Variants in FUS observed in about 807,000 individuals in gnomAD.
The protein encoded by FUS is RNA-binding protein FUS.
Under a neutral mutation model 82.7 loss-of-function variants are expected in FUS, and 5 were observed. The observed-to-expected ratio is 0.06, with a 90% CI of 0.03 to 0.13. FUS has a LOEUF of 0.13. FUS is among the 10% of genes least tolerant of loss of function. The probability of loss-of-function intolerance (pLI) is 1.00; values close to 1 mark genes in which losing one functional copy is unlikely to be tolerated. For missense variants in FUS, 512 were observed against 707.8 expected, an observed-to-expected ratio of 0.72 and a Z score of 3.14; for synonymous variants, 281 against 247.4, an observed-to-expected ratio of 1.14 and a Z score of -1.27.
At chr16:31,194,316 G>A (rs746988726), downstream of FUS, 81 of 516,024 alleles carry the variant, frequency 1.6e-4, no homozygotes, top group Admixed American at 6.4e-4. Flanking sequence ...TTTTTGAGAC[G>A]GTCTCACTCT....
In FUS at chr16:31,191,091, C is replaced by T. The variant is rs754921968; in HGVS notation, c.1522C>T (p.Pro508Ser). The change falls in exon 14 of 15, where the codon CCT becomes TCT. Residue 508 changes from proline to serine, a missense_variant. Physicochemically the swap from Pro to Ser is moderately conservative, Grantham distance 74. Coordinates refer to ENST00000254108, the MANE Select transcript of FUS (RefSeq NM_004960.4). ...TGGTGGGGACAGAGGTGGCTTTGGC[C>T]CTGGCAAGATGGATTCCAGGTAAGA... ...RGGGDRGGFG[P>S]GKMDSRGEHR... 1 of 1,612,770 alleles carries T rather than the reference C, an allele frequency of 6.2e-7. No individual in the cohort carries two copies. Among genetic ancestry groups the T allele is most frequent in the Non-Finnish European group, 8.5e-7 (1 of 1,179,984 alleles).
chr16:31,188,896 C>A (rs1344035365), intron 8 of FUS: 4 of 571,838 alleles, frequency 7.0e-6, no homozygotes, highest in Non-Finnish European at 1.2e-5. Flanking sequence ...GGTTTCCATA[C>A]TGTATACTGG....
chr16:31,187,005 A>T (rs2079280230), intron 7 of FUS, 169 bp downstream of exon 7: 1 of 708,366 alleles, frequency 1.4e-6, no homozygotes. Flanking sequence ...GTGTGTGCTA[A>T]CCTGGAGCAG....
At chr16:31,184,029 G>T (rs1198922212) in intron 4 of FUS, 27 bp downstream of exon 4, 3 of 1,613,906 alleles carry the variant, frequency 1.9e-6, no homozygotes, top group African/African-American at 1.3e-5. Flanking sequence ...GTCGGGGAAG[G>T]CTTGAAAAGA....
At chr16:31,180,258 C>T (rs747237878) in intron 1 of FUS, 31 bp downstream of exon 1, 3 of 1,598,612 alleles carry the variant, frequency 1.9e-6, no homozygotes, top group Non-Finnish European at 2.6e-6. Flanking sequence ...ACGGCGGCGG[C>T]GCACCCGGCC....
rs530968181 is a variant in FUS, at chr16:31,180,753, C to A, written c.13+526C>A. Among the ~76,000 whole-genome samples, 8 of 152,278 alleles carry A rather than the reference C, an allele frequency of 5.3e-5. No homozygotes were observed. The South Asian group carries it at 1.4e-3, about 28-fold the overall frequency. ...TGAGCCTTGTCCCTCAGTGGTCCTT[C>A]GCGAATGGGCGGGATCGCTCCGTTC... On this transcript the variant is annotated intron_variant, in intron 1 of 14. Coordinates refer to ENST00000254108, the MANE Select transcript of FUS (RefSeq NM_004960.4).
At chr16:31,185,680 A>AT in intron 6 of FUS, 1 of 441,950 alleles carries the variant, frequency 2.3e-6, no homozygotes, top group Admixed American at 2.6e-5. Flanking sequence ...ATTTGCACTA[A>AT]TTTGACCGAC....
At chr16:31,190,929 G>A (rs1402301200) in intron 13 of FUS, 34 bp from the exon 14 acceptor site, 1 of 1,612,018 alleles carries the variant, frequency 6.2e-7, no homozygotes, top group Non-Finnish European at 8.5e-7. Flanking sequence ...ATAGGGGAAT[G>A]GGAATATGAT....
chr16:31,187,479 C>G (rs909203597), intron 7 of FUS: 3 of 228,436 alleles, frequency 1.3e-5, no homozygotes, highest in Admixed American at 1.1e-4. Flanking sequence ...AAACTGAATT[C>G]GTGGACCAGG....
chr16:31,188,554 AC>A, intron 8 of FUS, 197 bp downstream of exon 8: 1 of 649,974 alleles, frequency 1.5e-6, no homozygotes, highest in Non-Finnish European at 2.7e-6. Flanking sequence ...TGTGGGTTCC[AC>A]CCCCAGTGAT....
chr16:31,183,805 AC>A (rs1351264764), intron 3 of FUS, 52 bp from the exon 4 acceptor site: 19 of 1,610,254 alleles, frequency 1.2e-5, no homozygotes. Context: ...CCCATTCCTT[AC>A]ATTTTCTCTT....
intron 8 of FUS, 102 bp downstream of exon 8, chr16:31,188,459 G>C (rs2079304677): frequency 8.1e-7 from 1 of 1,236,648 alleles, no homozygotes; most frequent in Non-Finnish European, 1.2e-6. Context: ...AAAAAAATGG[G>C]GATAGAGAAG....
intron 7 of FUS, 171 bp downstream of exon 7, chr16:31,187,007 C>G: frequency 1.4e-6 from 1 of 704,208 alleles, no homozygotes; most frequent in Non-Finnish European, 2.6e-6. Context: ...GTGTGCTAAC[C>G]TGGAGCAGGT....
At chr16:31,192,100 T>C (rs1194060914), downstream of FUS, 2 of 532,040 alleles carry the variant, frequency 3.8e-6, no homozygotes, top group Non-Finnish European at 7.3e-6. Flanking sequence ...AGGAGGTGAG[T>C]GACTCCCTTC....
At position 31,190,324 on chromosome 16, in the gene FUS, C is replaced by T. The variant is rs770828154; in HGVS notation, c.1218C>T (p.Gly406=). 7 of 1,613,798 alleles carry T rather than the reference C, an allele frequency of 4.3e-6. No individual in the cohort carries two copies. Among genetic ancestry groups the T allele is most frequent in the South Asian group, 1.1e-5 (1 of 91,084 alleles). ...GAGGTGGTGGCAGTGGTGGTGGTGG[C>T]CGAGGAGGATTTCCCAGTGGAGGTG... ...GYGGGGSGGG[G]RGGFPSGGGG... is the part of the protein sequence containing the mutation. The change falls in exon 12 of 15, where the codon GGC becomes GGT. Residue 406 remains glycine, a synonymous_variant. Transcript: ENST00000254108.
rs1191392828 is a variant in FUS at position 31,190,506 on chromosome 16, C to T, written c.1292+108C>T. 5.9e-6 allele frequency: 9 copies of T among 1,533,646 alleles called. No individual in the cohort carries two copies. The East Asian group carries it at 2.0e-4, about 34-fold the overall frequency. On this transcript the variant is annotated intron_variant, in intron 12 of 14. Coordinates refer to ENST00000254108, the MANE Select transcript of FUS (RefSeq NM_004960.4). ...CAAAGAAGTAAATGTCAAGGCCACACTGTTGGGGTCAGATTTAGCCAAAAG... is the reference window on the plus strand; with the variant it reads ...CAAAGAAGTAAATGTCAAGGCCACATTGTTGGGGTCAGATTTAGCCAAAAG...
At chr16:31,192,962 C>CT, downstream of FUS, 1 of 484,952 alleles carries the variant, frequency 2.1e-6, no homozygotes, top group South Asian at 1.5e-5. Flanking sequence ...GGCACAGAAA[C>CT]TATGACTTTA....
chr16:31,180,706 ACT>A (rs1184223061), intron 1 of FUS, among the ~76,000 whole-genome samples: 1 of 151,184 alleles, frequency 6.6e-6, no homozygotes, highest in Non-Finnish European at 1.5e-5. Flanking sequence ...TTCGCGGAAG[ACT>A]CGGCGGCGCG....
At position 31,190,304 on chromosome 16, in the gene FUS, G is replaced by A. The variant is rs2079334517; in HGVS notation, c.1198G>A (p.Gly400Ser). 1.9e-6 allele frequency: 3 copies of A among 1,614,168 alleles called. No homozygotes were observed. The change falls in exon 12 of 15, where the codon GGT becomes AGT. Residue 400 changes from glycine to serine, a missense_variant. By Grantham distance (56) the Gly-to-Ser change is moderately conservative. Coordinates refer to ENST00000254108, the MANE Select transcript of FUS (RefSeq NM_004960.4). ...CATGGGCCGTGGAGGCTATGGAGGT[G>A]GTGGCAGTGGTGGTGGTGGCCGAGG... The part of the protein sequence containing the change: ...GPMGRGGYGG[G>S]GSGGGGRGGF...
Sources: gnomAD v4.1 joint callset for allele counts (sites outside exome capture counted in the v4.1 genomes callset) on GRCh38, gnomAD v4.1.1 for gene constraint, MANE v1.5 for transcripts, NCBI Gene and HGNC (gene_info 2026-07-23, HGNC 2026-07-21) for gene names.